SGMS1: variants seen among roughly 807,000 people sequenced by gnomAD.
SGMS1 encodes phosphatidylcholine:ceramide cholinephosphotransferase 1.
Under a neutral mutation model 46.2 loss-of-function variants are expected in SGMS1, and 13 were observed. The observed-to-expected ratio is 0.28, with a 90% CI of 0.18 to 0.45. The LOEUF (loss-of-function observed/expected upper bound fraction) is 0.45. SGMS1 is among the 20% of genes least tolerant of loss of function. SGMS1 has a pLI of 1.00. For synonymous variants in SGMS1, 203 were observed against 187.8 expected (o/e 1.08, Z -0.66); for missense variants, 324 against 519.9 (o/e 0.62, Z 3.66).
At chr10:50,414,771 T>C (rs117205691) in intron 6 of SGMS1, among the ~76,000 whole-genome samples, 261 of 152,296 alleles carry the variant, frequency 1.7e-3, no homozygotes, top group Non-Finnish European at 2.8e-3. Context: ...TGGTTCCAAA[T>C]ACCCTATCTC....
Position 50,307,985 on chromosome 10 carries a change from C to A in SGMS1, c.1059G>T (p.Gln353His), listed in dbSNP as rs767453768. 3 of 1,613,032 alleles carry A rather than the reference C, an allele frequency of 1.9e-6. No homozygotes were observed. The Admixed American group carries it at 5.0e-5, about 27-fold the overall frequency. The change falls in exon 10 of 11, where the codon CAG becomes CAT. Residue 353 changes from glutamine (Q) to histidine (H), a missense_variant. Physicochemically the swap from Gln to His is conservative, Grantham distance 24. Around this residue, in one of 2 missense-constraint regions of SGMS1, gnomAD observed 174 missense variants for 350.1 expected, o/e 0.50. Coordinates refer to ENST00000361781, the MANE Select transcript of SGMS1 (RefSeq NM_147156.4). This position sits in a 1 kb window ranked among gnomAD's most constrained non-coding sequence, Gnocchi z 4.2. ...AATCAAAAGCGGGGAAACTCACTTG[C>A]TGATTGGCCATAGTGTGATACCACC... is the stretch of plus-strand genomic sequence containing the variant. ...LFWWYHTMAN[Q>H]QVLKEASQMN... is the part of the protein sequence containing the mutation.
intron 2 of SGMS1, among the ~76,000 whole-genome samples, chr10:50,574,344 C>T (rs1213836646): frequency 6.6e-6 from 1 of 152,128 alleles, no homozygotes; most frequent in East Asian, 1.9e-4. Flanking sequence ...ATTGAACAGA[C>T]ATATCTCCAA....
At chr10:50,548,782 T>C (rs1214489289) in intron 2 of SGMS1, among the ~76,000 whole-genome samples, 3 of 151,934 alleles carry the variant, frequency 2.0e-5, no homozygotes, top group Non-Finnish European at 4.4e-5. Context: ...ACCTACAGAA[T>C]GGGAGAAAAT....
At chr10:50,359,867 A>G (rs1197338934) in intron 6 of SGMS1, among the ~76,000 whole-genome samples, 1 of 152,178 alleles carries the variant, frequency 6.6e-6, no homozygotes, top group African/African-American at 2.4e-5. Flanking sequence ...TTGTAAACAC[A>G]TATTACAAAT....
At chr10:50,443,337 T>C (rs755381282) in intron 5 of SGMS1, among the ~76,000 whole-genome samples, 36 of 152,158 alleles carry the variant, frequency 2.4e-4, no homozygotes, top group Non-Finnish European at 4.7e-4. Flanking sequence ...TTGTGGTTTT[T>C]GTCTGCTAGA....
chr10:50,507,678 T>C (rs544304950), intron 3 of SGMS1, among the ~76,000 whole-genome samples: 22 of 152,274 alleles, frequency 1.4e-4, no homozygotes, highest in Non-Finnish European at 2.6e-4. Flanking sequence ...CCTCTTTTTT[T>C]CCTCAAATTA....
At chr10:50,507,055 C>G (rs1212450377) in intron 3 of SGMS1, among the ~76,000 whole-genome samples, 1 of 152,206 alleles carries the variant, frequency 6.6e-6, no homozygotes, top group African/African-American at 2.4e-5. Context: ...CCAAACTCCC[C>G]CAGGCTTATA....
intron 2 of SGMS1, among the ~76,000 whole-genome samples, chr10:50,525,637 A>T (rs1378907676): frequency 2.0e-5 from 3 of 152,232 alleles, no homozygotes; most frequent in Non-Finnish European, 4.4e-5. Flanking sequence ...TAGAAAAGTA[A>T]AAATCACTGA....
chr10:50,532,225 CTGTGTGTGTGTGTGTGTGTG>C (rs71029313), intron 2 of SGMS1, among the ~76,000 whole-genome samples: 9 of 130,588 alleles, frequency 6.9e-5, no homozygotes, highest in East Asian at 4.7e-4. Context: ...CTGAATGAGA[CTGTGTGTGTGTGTGTGTGTG>C]TGTGTGTGTG....
chr10:50,527,820 G>T (rs1347052984), intron 2 of SGMS1, among the ~76,000 whole-genome samples: 1 of 152,164 alleles, frequency 6.6e-6, no homozygotes, highest in Non-Finnish European at 1.5e-5. Flanking sequence ...AACACATGCT[G>T]CAGGGAAAGA....
intron 7 of SGMS1, among the ~76,000 whole-genome samples, chr10:50,338,596 G>T (rs1847755500): frequency 6.6e-6 from 1 of 152,130 alleles, no homozygotes; most frequent in Admixed American, 6.5e-5. Context: ...AGTCAGCCCT[G>T]TCATTATAAA....
chr10:50,482,194 A>T lies in SGMS1; in HGVS notation c.-497-15262T>A, dbSNP rs1837483037. Among the ~76,000 whole-genome samples the T allele has an allele frequency of 2.6e-5, 4 of 152,226 alleles. No individual in the cohort carries two copies. The South Asian group carries it at 8.3e-4, about 32-fold the overall frequency. On this transcript the variant is annotated intron_variant, in intron 3 of 10. Transcript: ENST00000361781. ...AACACTACTAAGATGTTCCAGGAGA[A>T]GATCAACCCCAAGACACATAATCAT...
chr10:50,331,033 C>T (rs1847616044), intron 7 of SGMS1, among the ~76,000 whole-genome samples: 1 of 152,076 alleles, frequency 6.6e-6, no homozygotes, highest in African/African-American at 2.4e-5. Flanking sequence ...GACAAAAAAA[C>T]TGGAAAGGCC....
At chr10:50,329,340 T>C (rs1847579102) in intron 7 of SGMS1, among the ~76,000 whole-genome samples, 1 of 152,224 alleles carries the variant, frequency 6.6e-6, no homozygotes, top group Admixed American at 6.5e-5. Flanking sequence ...CATTTACTAT[T>C]TGACTTAAAG....
chr10:50,458,517 G>A (rs1187436572), intron 5 of SGMS1, among the ~76,000 whole-genome samples: 1 of 151,170 alleles, frequency 6.6e-6, no homozygotes, highest in African/African-American at 2.4e-5. Flanking sequence ...CACCATGACC[G>A]GCTAATTTTT....
intron 1 of SGMS1, among the ~76,000 whole-genome samples, chr10:50,601,322 C>T (rs1004822692): frequency 3.3e-5 from 5 of 152,206 alleles, no homozygotes; most frequent in African/African-American, 1.2e-4. Context: ...GCAGGCAAGA[C>T]AATTTCACAT....
chr10:50,328,969 T>C (rs1209264550), intron 7 of SGMS1, among the ~76,000 whole-genome samples: 2 of 152,226 alleles, frequency 1.3e-5, no homozygotes, highest in African/African-American at 4.8e-5. Flanking sequence ...TTAGCCATCC[T>C]GCTAAAGTGA....
intron 6 of SGMS1, among the ~76,000 whole-genome samples, chr10:50,361,330 C>T (rs1017540028): frequency 6.8e-6 from 1 of 146,698 alleles, no homozygotes; most frequent in Non-Finnish European, 1.5e-5. Context: ...TCATCCCTGT[C>T]TCTCCTCATA....
chr10:50,327,819 C>A (rs920125588), intron 7 of SGMS1, among the ~76,000 whole-genome samples: 1 of 152,160 alleles, frequency 6.6e-6, no homozygotes, highest in African/African-American at 2.4e-5. Context: ...TTCTCTGAGG[C>A]AACATGATGC....
Sources: gnomAD v4.1 joint callset for allele counts (sites outside exome capture counted in the v4.1 genomes callset) on GRCh38, gnomAD v4.1.1 for gene constraint, gnomAD v4.1.1 regional missense constraint, Gnocchi (gnomAD v3.1) non-coding constraint, MANE v1.5 for transcripts, NCBI Gene and HGNC (gene_info 2026-07-23, HGNC 2026-07-21) for gene names.